Variants in DOCK8 observed in about 807,000 individuals in gnomAD.
DOCK8 encodes dedicator of cytokinesis 8, also known as dedicator of cytokinesis protein 8.
In DOCK8, 141 loss-of-function variants were observed where a neutral mutation model predicts 245.6. The observed-to-expected ratio is 0.57, with a 90% CI of 0.50 to 0.66. The LOEUF is 0.66. DOCK8 is among the 30% of genes least tolerant of loss of function. The pLI is 0.00. For synonymous variants in DOCK8, 1,168 were observed against 970.2 expected, an observed-to-expected ratio of 1.20 and a Z score of -3.79; for missense variants, 2,965 against 2,603.4, an observed-to-expected ratio of 1.14 and a Z score of -3.02.
At chr9:365,827 G>A (rs553342252) in intron 14 of DOCK8, 1 of 365,934 alleles carries the variant, frequency 2.7e-6, no homozygotes, top group South Asian at 2.1e-5. Context: ...GAAGTGAACA[G>A]TGAGCAGAGA....
chr9:273,394 C>T (rs955689366), intron 2 of DOCK8, among the ~76,000 whole-genome samples: 3 of 151,900 alleles, frequency 2.0e-5, no homozygotes, highest in Non-Finnish European at 4.4e-5. Context: ...ATTAGATATG[C>T]TTATTGGTTT....
At chr9:342,770 T>C (rs1298020250) in intron 14 of DOCK8, among the ~76,000 whole-genome samples, 1 of 152,148 alleles carries the variant, frequency 6.6e-6, no homozygotes, top group Non-Finnish European at 1.5e-5. Flanking sequence ...GCCCATCCTG[T>C]TATTCCTTTT....
At chr9:246,390 C>T (rs2047506815) in intron 1 of DOCK8, among the ~76,000 whole-genome samples, 1 of 152,060 alleles carries the variant, frequency 6.6e-6, no homozygotes, top group African/African-American at 2.4e-5. Context: ...AACAGCCAGA[C>T]ATGGTTGTGA....
chr9:420,666 G>T, intron 31 of DOCK8, 83 bp downstream of exon 31: 1 of 1,536,584 alleles, frequency 6.5e-7, no homozygotes, highest in Non-Finnish European at 9.0e-7. Flanking sequence ...CTTTGTTTGG[G>T]CCATGGAGGC....
chr9:399,096 C>A, intron 25 of DOCK8, 50 bp from the exon 26 acceptor site: 2 of 1,565,288 alleles, frequency 1.3e-6, no homozygotes, highest in East Asian at 2.2e-5. Context: ...CCTGGAAGTT[C>A]AAATCCAGAG....
chr9:392,984 G>A (rs1276467401), intron 24 of DOCK8, among the ~76,000 whole-genome samples: 1 of 150,804 alleles, frequency 6.6e-6, no homozygotes, highest in East Asian at 1.9e-4. Context: ...TACTCAGCAG[G>A]CTGAGGCAGG....
intron 45 of DOCK8, among the ~76,000 whole-genome samples, chr9:450,239 T>G (rs1356833858): frequency 6.6e-6 from 1 of 152,196 alleles, no homozygotes; most frequent in Non-Finnish European, 1.5e-5. Flanking sequence ...TGGAGTCATG[T>G]TGAAGAATGC....
intron 1 of DOCK8, among the ~76,000 whole-genome samples, chr9:258,693 G>A (rs1385091016): frequency 6.7e-6 from 1 of 149,216 alleles, no homozygotes; most frequent in African/African-American, 2.5e-5. Context: ...TGCCTCCCGG[G>A]TTCAAGCAAT....
intron 2 of DOCK8, among the ~76,000 whole-genome samples, chr9:282,967 G>A (rs2048655418): frequency 6.6e-6 from 1 of 152,114 alleles, no homozygotes; most frequent in South Asian, 2.1e-4. Flanking sequence ...ATTACTCTGA[G>A]CAGCCAATCT....
At position 396,898 on chromosome 9, in the gene DOCK8, C is replaced by T; in HGVS notation, c.3084C>T (p.Thr1028=). 6.2e-7 allele frequency: 1 copy of T among 1,614,024 alleles called. No homozygotes were observed. Among genetic ancestry groups the T allele is most frequent in the Non-Finnish European group, 8.5e-7 (1 of 1,180,004 alleles). The change falls in exon 25 of 48, where the codon ACC becomes ACT. Residue 1028 remains threonine, a synonymous_variant. Coordinates refer to ENST00000432829, the MANE Select transcript of DOCK8 (RefSeq NM_203447.4). ...DDITTIVNVV[T]SEIAALLVKP... is the part of the protein sequence containing the mutation. ...TAACTACTATTGTTAATGTGGTCAC[C>T]TCGGAAATTGCAGCCCTTTTAGTAA...
intron 1 of DOCK8, among the ~76,000 whole-genome samples, chr9:263,210 A>C (rs1159228740): frequency 9.3e-6 from 1 of 107,134 alleles, no homozygotes; most frequent in Non-Finnish European, 2.0e-5. Context: ...CCATCTCAAA[A>C]GGAAAAAAAA....
At chr9:365,116 C>A (rs1417086503) in intron 14 of DOCK8, among the ~76,000 whole-genome samples, 1 of 152,148 alleles carries the variant, frequency 6.6e-6, no homozygotes, top group African/African-American at 2.4e-5. Flanking sequence ...CATGTAGGAC[C>A]CATGACGAAA....
intron 14 of DOCK8, chr9:365,598 T>G (rs549933067): frequency 2.2e-5 from 10 of 456,192 alleles, no homozygotes; most frequent in African/African-American, 1.0e-4. Context: ...CAGAGAAGTC[T>G]TCCAGGTTTC....
chr9:307,949 C>T (rs1008257218), intron 5 of DOCK8, among the ~76,000 whole-genome samples: 2 of 152,078 alleles, frequency 1.3e-5, no homozygotes, highest in Non-Finnish European at 2.9e-5. Flanking sequence ...TGAAATAAGC[C>T]AAGCACAGTA....
chr9:458,975 A>G (rs1159397047), intron 46 of DOCK8, among the ~76,000 whole-genome samples: 1 of 152,174 alleles, frequency 6.6e-6, no homozygotes, highest in Admixed American at 6.5e-5. Flanking sequence ...TCTAATCCCT[A>G]TCAATCTGGT....
At chr9:427,377 A>T (rs764300074) in intron 34 of DOCK8, among the ~76,000 whole-genome samples, 2 of 152,220 alleles carry the variant, frequency 1.3e-5, no homozygotes, top group Non-Finnish European at 2.9e-5. Flanking sequence ...TATGGGAGCT[A>T]TGATTATGAC....
At chr9:297,646 G>A (rs1028682638) in intron 4 of DOCK8, among the ~76,000 whole-genome samples, 3 of 152,120 alleles carry the variant, frequency 2.0e-5, no homozygotes, top group Non-Finnish European at 4.4e-5. Flanking sequence ...CAGTCTCACT[G>A]CCTACCCAGT....
intron 22 of DOCK8, among the ~76,000 whole-genome samples, chr9:384,179 C>G (rs1401881546): frequency 6.6e-6 from 1 of 152,126 alleles, no homozygotes; most frequent in African/African-American, 2.4e-5. Context: ...GATTGTCTCT[C>G]ATTAGGAATT....
intron 2 of DOCK8, among the ~76,000 whole-genome samples, chr9:281,641 C>CTGTGTGTG (rs60099453): frequency 8.8e-4 from 132 of 150,796 alleles, no homozygotes; most frequent in African/African-American, 3.1e-3. Flanking sequence ...GTTTGTGTGC[C>CTGTGTGTG]TGTGTGTGTG....
Sources: allele counts gnomAD v4.1 joint callset (sites outside exome capture counted in the v4.1 genomes callset), GRCh38; gene constraint gnomAD v4.1.1; transcripts MANE v1.5; gene names NCBI Gene and HGNC (gene_info 2026-07-23, HGNC 2026-07-21).